SLC1A2: variants seen among roughly 807,000 people sequenced by gnomAD.
SLC1A2 encodes the protein excitatory amino acid transporter 2.
SLC1A2 carries 15 observed loss-of-function variants against 48.8 expected under a neutral mutation model. That is an observed-to-expected ratio of 0.31 (90% CI 0.21 to 0.47). The LOEUF is 0.47. Ranked by LOEUF, SLC1A2 falls within the 20% of genes least tolerant of loss-of-function variation. The probability of loss-of-function intolerance (pLI) is 0.99; values close to 1 mark genes in which losing one functional copy is unlikely to be tolerated. For missense variants in SLC1A2, 502 were observed against 730.5 expected (o/e 0.69, Z 3.61); for synonymous variants, 279 against 272.6 (o/e 1.02, Z -0.23).
intron 9 of SLC1A2, chr11:35,280,539 A>T (rs777333266): frequency 3.0e-5 from 8 of 267,146 alleles, no homozygotes; most frequent in Non-Finnish European, 5.6e-5. Context: ...CATACAGTAC[A>T]TACTCCTTTG....
chr11:35,293,390 G>A (rs189495898), intron 6 of SLC1A2, among the ~76,000 whole-genome samples: 47 of 152,230 alleles, frequency 3.1e-4, no homozygotes, highest in Non-Finnish European at 4.4e-5. Context: ...GCAGTTTGTC[G>A]TATACCAATT....
At position 35,371,117 on chromosome 11, in the gene SLC1A2, C is replaced by T. The variant is rs556232640; in HGVS notation, c.17+47833G>A. ...AGCACCTGTAGGCCAGGTGGCTACCCTCAGTGAGAACCCTTTGCCTCATTC... is the reference window on the plus strand; with the variant it reads ...AGCACCTGTAGGCCAGGTGGCTACCTTCAGTGAGAACCCTTTGCCTCATTC... On this transcript the variant is annotated intron_variant, in intron 1 of 10. Transcript: ENST00000278379. The T allele has an allele frequency of 5.1e-6, 5 of 978,696 alleles. No individual in the cohort carries two copies. The East Asian group carries it at 5.7e-4, about 112-fold the overall frequency. 60.6% of individuals were successfully genotyped at this position (978,696 alleles called of 1,614,324 possible).
intron 1 of SLC1A2, among the ~76,000 whole-genome samples, chr11:35,406,131 G>A (rs1336284562): frequency 6.6e-6 from 1 of 152,122 alleles, no homozygotes; most frequent in Non-Finnish European, 1.5e-5. Flanking sequence ...TATGAGAGAG[G>A]TCTGAACAAA....
chr11:35,306,275 G>A lies in SLC1A2; in HGVS notation c.562-33C>T, dbSNP rs116707603. On this transcript the variant is annotated intron_variant, in intron 4 of 10. Transcript: ENST00000278379. ...AGTGAGGGAAAAAAGGCATAGAGCTGAGATTTGGCCTATAAGGTGAAAAAA... is the reference window on the plus strand; with the variant it reads ...AGTGAGGGAAAAAAGGCATAGAGCTAAGATTTGGCCTATAAGGTGAAAAAA... The A allele has an allele frequency of 4.1e-4, 641 of 1,567,728 alleles. 1 individual carries two copies. The African/African-American group carries it at 6.9e-3, about 17-fold the overall frequency.
chr11:35,321,369 G>A (rs1197153430), intron 1 of SLC1A2, among the ~76,000 whole-genome samples: 1 of 152,146 alleles, frequency 6.6e-6, no homozygotes, highest in Non-Finnish European at 1.5e-5. Context: ...AGTGTCCAGG[G>A]AAGGCGTCTG....
At chr11:35,413,490 A>C (rs1855524899) in intron 1 of SLC1A2, among the ~76,000 whole-genome samples, 1 of 152,220 alleles carries the variant, frequency 6.6e-6, no homozygotes, top group African/African-American at 2.4e-5. Context: ...ACTGGGATAT[A>C]ATCACTCAAT....
At chr11:35,328,971 T>G (rs979613337) in intron 1 of SLC1A2, among the ~76,000 whole-genome samples, 27 of 152,352 alleles carry the variant, frequency 1.8e-4, no homozygotes, top group African/African-American at 6.5e-4. Context: ...AGCAGCTTTA[T>G]TTATAATTCC....
intron 1 of SLC1A2, among the ~76,000 whole-genome samples, chr11:35,394,337 C>G (rs1590268774): frequency 6.6e-6 from 1 of 152,110 alleles, no homozygotes; most frequent in Non-Finnish European, 1.5e-5. Context: ...GGGATCTGCC[C>G]CATTGCTCTG....
At chr11:35,400,683 T>C (rs969215962) in intron 1 of SLC1A2, among the ~76,000 whole-genome samples, 2 of 152,218 alleles carry the variant, frequency 1.3e-5, no homozygotes, top group African/African-American at 4.8e-5. Context: ...TGAAAATTTC[T>C]AGAGGGATAA....
At chr11:35,403,471 C>A (rs572432543) in intron 1 of SLC1A2, among the ~76,000 whole-genome samples, 1 of 152,366 alleles carries the variant, frequency 6.6e-6, no homozygotes, top group Admixed American at 6.5e-5. Flanking sequence ...AAGAGGATTT[C>A]ATGCAAGCCT....
chr11:35,412,141 A>C (rs1272621427), intron 1 of SLC1A2, among the ~76,000 whole-genome samples: 1 of 151,010 alleles, frequency 6.6e-6, no homozygotes, highest in Admixed American at 6.5e-5. Flanking sequence ...TACAAAACAC[A>C]GTACAATTAG....
At chr11:35,370,907 T>C (rs936212206) in intron 1 of SLC1A2, 3 of 958,846 alleles carry the variant, frequency 3.1e-6, no homozygotes, top group East Asian at 2.3e-4. Context: ...GGCTAAGATA[T>C]ATGCAAGAAT....
chr11:35,292,615 G>T (rs1379246353), intron 6 of SLC1A2, 95 bp from the exon 7 acceptor site: 3 of 681,280 alleles, frequency 4.4e-6, no homozygotes, highest in East Asian at 2.7e-5. Context: ...AAAACGCTTG[G>T]CTCTTCTGTA....
chr11:35,398,249 T>C (rs148838817), intron 1 of SLC1A2, among the ~76,000 whole-genome samples: 126 of 152,250 alleles, frequency 8.3e-4, no homozygotes, highest in East Asian at 3.1e-3. Context: ...TGATCTGACA[T>C]GGAATTGACC....
intron 1 of SLC1A2, among the ~76,000 whole-genome samples, chr11:35,347,697 C>T (rs779766454): frequency 3.0e-4 from 46 of 152,072 alleles, no homozygotes; most frequent in Non-Finnish European, 5.9e-4. Context: ...GGTGCCAGGC[C>T]CTGAGCCAGG....
rs1565213615 is a variant in SLC1A2, at chr11:35,284,711, T to C, written c.1286+2046A>G. On this transcript the variant is annotated intron_variant, in intron 8 of 10. Transcript: ENST00000278379. ...AGCTGTGTTTTAACAAAAATGTCCT[T>C]GAGCTGGTTGAATACCTCAGAGCTA... 3.3e-5 allele frequency among the ~76,000 whole-genome samples: 5 copies of C among 152,286 alleles called. No individual in the cohort carries two copies. In the South Asian group the frequency reaches 1.0e-3, roughly 32 times the overall value.
At chr11:35,349,566 C>A (rs1193127033) in intron 1 of SLC1A2, among the ~76,000 whole-genome samples, 1 of 152,318 alleles carries the variant, frequency 6.6e-6, no homozygotes, top group East Asian at 1.9e-4. Context: ...AGCTCTTCCC[C>A]TCCAGATTTT....
intron 1 of SLC1A2, among the ~76,000 whole-genome samples, chr11:35,350,459 T>A (rs1355614900): frequency 6.6e-6 from 1 of 152,154 alleles, no homozygotes; most frequent in Non-Finnish European, 1.5e-5. Context: ...TACCCCAGAT[T>A]AGGGTGAGAA....
intron 3 of SLC1A2, among the ~76,000 whole-genome samples, chr11:35,314,780 C>CT (rs1404970164): frequency 2.3e-5 from 2 of 87,484 alleles, no homozygotes; most frequent in East Asian, 5.2e-4. Context: ...GTTTCCTTTT[C>CT]TTTTCTTTTT....
Sources: allele counts gnomAD v4.1 joint callset (sites outside exome capture counted in the v4.1 genomes callset), GRCh38; gene constraint gnomAD v4.1.1; transcripts MANE v1.5; gene names NCBI Gene and HGNC (gene_info 2026-07-23, HGNC 2026-07-21).